Variants in ACOXL observed in about 807,000 individuals in gnomAD.
ACOXL encodes the protein acyl-CoA oxidase like.
ACOXL carries 70 observed loss-of-function variants against 71.9 expected under a neutral mutation model. That is an observed-to-expected ratio of 0.97 (90% CI 0.80 to 1.19). ACOXL has a LOEUF of 1.19. ACOXL is among the 50% of genes most tolerant of loss of function. The probability of loss-of-function intolerance (pLI) is 0.00; values close to 1 mark genes in which losing one functional copy is unlikely to be tolerated. For missense variants in ACOXL, 703 were observed against 736.3 expected (o/e 0.95, Z 0.52); for synonymous variants, 253 against 281.6 (o/e 0.90, Z 1.02).
chr2:110,856,176 T>C (rs1693222368), intron 10 of ACOXL, among the ~76,000 whole-genome samples: 2 of 152,190 alleles, frequency 1.3e-5, no homozygotes, highest in South Asian at 4.1e-4. Flanking sequence ...TTGGTGCATT[T>C]TACAATCCTC....
At chr2:111,088,995 A>G (rs1442023967) in intron 16 of ACOXL, among the ~76,000 whole-genome samples, 2 of 152,168 alleles carry the variant, frequency 1.3e-5, no homozygotes, top group African/African-American at 4.8e-5. Context: ...TTTCTTAATC[A>G]GATTACTAGA....
intron 12 of ACOXL, among the ~76,000 whole-genome samples, chr2:110,949,268 T>A (rs575113751): frequency 2.4e-4 from 37 of 152,260 alleles, no homozygotes; most frequent in African/African-American, 8.7e-4. Context: ...GGTCCAAGTG[T>A]CAGTAAGGCC....
intron 12 of ACOXL, among the ~76,000 whole-genome samples, chr2:110,954,734 A>G (rs1358149725): frequency 6.6e-6 from 1 of 152,074 alleles, no homozygotes; most frequent in Non-Finnish European, 1.5e-5. Context: ...ACCACCTTTT[A>G]CCAATTTCTT....
chr2:110,907,039 G>T lies in ACOXL; in HGVS notation c.789-1750G>T, dbSNP rs1373098381. Among the ~76,000 whole-genome samples the T allele has an allele frequency of 2.6e-5, 4 of 152,238 alleles. No individual in the cohort carries two copies. The East Asian group carries it at 7.7e-4, about 29-fold the overall frequency. On this transcript the variant is annotated intron_variant, in intron 10 of 17. Coordinates refer to ENST00000439055, the MANE Select transcript of ACOXL (RefSeq NM_001142807.4). ...TAAAATGATTATGTTAATCAGCCTG[G>T]GCTGCTGTAACAAAATGCCATAGAC...
At chr2:111,062,573 A>G (rs2066871237) in intron 16 of ACOXL, among the ~76,000 whole-genome samples, 1 of 152,262 alleles carries the variant, frequency 6.6e-6, no homozygotes, top group Admixed American at 6.5e-5. Flanking sequence ...CATAAAGCAA[A>G]CCTCAAAAAA....
intron 13 of ACOXL, among the ~76,000 whole-genome samples, chr2:110,995,032 A>G (rs953804256): frequency 6.6e-6 from 1 of 151,430 alleles, no homozygotes; most frequent in African/African-American, 2.4e-5. Flanking sequence ...ACAATTCCTG[A>G]TATATAATAT....
intron 10 of ACOXL, among the ~76,000 whole-genome samples, chr2:110,871,711 GTC>G (rs948036420): frequency 6.6e-5 from 10 of 152,180 alleles, no homozygotes; most frequent in Non-Finnish European, 1.5e-4. Flanking sequence ...AGGAGCAGCA[GTC>G]TCCACTTAAC....
intron 12 of ACOXL, among the ~76,000 whole-genome samples, chr2:110,972,394 C>T (rs183073679): frequency 3.3e-5 from 5 of 152,264 alleles, no homozygotes; most frequent in Admixed American, 2.6e-4. Context: ...AGACAGATAT[C>T]TTCCAGACAC....
intron 10 of ACOXL, among the ~76,000 whole-genome samples, chr2:110,863,600 C>A (rs189738642): frequency 1.1e-4 from 17 of 152,146 alleles, no homozygotes; most frequent in African/African-American, 7.2e-5. Context: ...AGCACCCCCC[C>A]CAACTGGTTG....
At chr2:111,099,686 G>T (rs528589886) in intron 17 of ACOXL, 1 of 152,308 alleles carries the variant, frequency 6.6e-6, no homozygotes, top group African/African-American at 2.4e-5. Flanking sequence ...GAACAATTGT[G>T]TTCCTTGTTC....
intron 14 of ACOXL, among the ~76,000 whole-genome samples, chr2:111,014,501 C>G (rs2064333509): frequency 6.6e-6 from 1 of 152,194 alleles, no homozygotes; most frequent in Admixed American, 6.5e-5. Flanking sequence ...GAGTAGTATG[C>G]TGTGCTTGTG....
At chr2:110,970,530 T>G (rs1326802138) in intron 12 of ACOXL, among the ~76,000 whole-genome samples, 2 of 152,376 alleles carry the variant, frequency 1.3e-5, no homozygotes, top group East Asian at 3.9e-4. Flanking sequence ...AACATCATGC[T>G]TAATCGTGGA....
intron 2 of ACOXL, among the ~76,000 whole-genome samples, chr2:110,771,071 C>A (rs1198003098): frequency 6.6e-6 from 1 of 152,192 alleles, no homozygotes; most frequent in Non-Finnish European, 1.5e-5. Context: ...ACAGGATTGG[C>A]CCTAGACCAT....
chr2:111,018,714 G>GA (rs1329921132), intron 14 of ACOXL, among the ~76,000 whole-genome samples: 1 of 135,006 alleles, frequency 7.4e-6, no homozygotes, highest in Non-Finnish European at 1.5e-5. Flanking sequence ...AGGCTGGAGG[G>GA]GGTGTTGGTG....
intron 13 of ACOXL, among the ~76,000 whole-genome samples, chr2:110,990,387 T>TA (rs776116520): frequency 6.6e-6 from 1 of 152,260 alleles, no homozygotes. Context: ...AATCTGACTG[T>TA]AAAGAAATTT....
chr2:111,094,602 C>T (rs557961080), intron 17 of ACOXL, among the ~76,000 whole-genome samples: 3 of 152,178 alleles, frequency 2.0e-5, no homozygotes, highest in African/African-American at 7.2e-5. Context: ...CAGCATTAAT[C>T]CATTCATGAG....
At chr2:111,055,466 C>T (rs1223326025) in intron 16 of ACOXL, among the ~76,000 whole-genome samples, 2 of 152,270 alleles carry the variant, frequency 1.3e-5, no homozygotes, top group South Asian at 2.1e-4. Flanking sequence ...ACAGTGCAAA[C>T]CATGATGTCC....
At chr2:111,040,154 T>A (rs2065709275) in intron 15 of ACOXL, among the ~76,000 whole-genome samples, 1 of 152,220 alleles carries the variant, frequency 6.6e-6, no homozygotes, top group Non-Finnish European at 1.5e-5. Flanking sequence ...AGGTCGCAGC[T>A]GCTCAGGACC....
intron 9 of ACOXL, among the ~76,000 whole-genome samples, chr2:110,812,768 C>T (rs561129003): frequency 3.9e-5 from 6 of 152,362 alleles, no homozygotes; most frequent in South Asian, 2.1e-4. Flanking sequence ...GAATTTGCTT[C>T]GATTCCACGA....
Sources: gnomAD v4.1 joint callset for allele counts (sites outside exome capture counted in the v4.1 genomes callset) on GRCh38, gnomAD v4.1.1 for gene constraint, MANE v1.5 for transcripts, NCBI Gene and HGNC (gene_info 2026-07-23, HGNC 2026-07-21) for gene names.